Variants in BMPR1B observed in about 807,000 individuals in gnomAD.
BMPR1B encodes bone morphogenetic protein receptor type 1B.
BMPR1B carries 12 observed loss-of-function variants against 59.1 expected under a neutral mutation model. The ratio of observed to expected loss-of-function variants is 0.20; its 90% confidence interval spans 0.13 to 0.33. BMPR1B has a LOEUF of 0.33. Ranked by LOEUF, BMPR1B falls within the 10% of genes least tolerant of loss-of-function variation. The pLI, the probability that BMPR1B is intolerant of heterozygous loss-of-function variation, is 1.00. For missense variants in BMPR1B, 550 were observed against 610.9 expected, an observed-to-expected ratio of 0.90 and a Z score of 1.05; for synonymous variants, 237 against 207.3, an observed-to-expected ratio of 1.14 and a Z score of -1.23.
intron 1 of BMPR1B, among the ~76,000 whole-genome samples, chr4:94,868,501 C>T (rs1309726889): frequency 6.6e-6 from 1 of 152,004 alleles, no homozygotes; most frequent in South Asian, 2.1e-4. Context: ...CTTTTTTATT[C>T]AGCAAAAAAG....
chr4:94,894,462 A>AGAGAGAG (rs1560535777), intron 2 of BMPR1B, among the ~76,000 whole-genome samples: 1 of 130,650 alleles, frequency 7.7e-6, no homozygotes, highest in African/African-American at 3.0e-5. Flanking sequence ...GAGAGAGAGA[A>AGAGAGAG]AGCGAGAAAT....
intron 2 of BMPR1B, among the ~76,000 whole-genome samples, chr4:94,917,610 C>T (rs527318259): frequency 6.6e-6 from 1 of 152,118 alleles, no homozygotes; most frequent in East Asian, 1.9e-4. Flanking sequence ...TGCCTGTATC[C>T]CCATATTATC....
At position 94,902,267 on chromosome 4, in the gene BMPR1B, G is replaced by C. The variant is rs909889306; in HGVS notation, c.-113+26367G>C. On this transcript the variant is annotated intron_variant, in intron 2 of 12. Coordinates refer to ENST00000515059, the MANE Select transcript of BMPR1B (RefSeq NM_001203.3). ...ACACACACAGAGAGAGAGAGAGAGAGAGAGAGAGAGAGAGAGAGAGAGAGA... is the reference window on the plus strand; with the variant it reads ...ACACACACAGAGAGAGAGAGAGAGACAGAGAGAGAGAGAGAGAGAGAGAGA... 5.9e-3 allele frequency among the ~76,000 whole-genome samples: 734 copies of C among 124,970 alleles called. 2 individuals are homozygous for C. The highest frequency in any genetic ancestry group is 0.01 in the African/African-American group (320 of 31,856). The allele number at this position is 124,970 out of a possible 152,430, so 82.0% of individuals were successfully genotyped here. A position where few individuals can be genotyped will look rare whatever the true frequency, so the allele number is the denominator to read the frequency against.
chr4:95,143,554 A>G (rs1263813165), intron 10 of BMPR1B, among the ~76,000 whole-genome samples: 2 of 152,198 alleles, frequency 1.3e-5, no homozygotes, highest in East Asian at 1.9e-4. Flanking sequence ...TAGAAGAGCC[A>G]CTTGGAGTGT....
chr4:95,032,039 A>C (rs1724898474), intron 3 of BMPR1B, among the ~76,000 whole-genome samples: 1 of 152,122 alleles, frequency 6.6e-6, no homozygotes, highest in Non-Finnish European at 1.5e-5. Context: ...AGCTCTTTTC[A>C]TTTGGAGAAG....
intron 1 of BMPR1B, among the ~76,000 whole-genome samples, chr4:94,823,959 G>T: frequency 6.6e-6 from 1 of 152,096 alleles, no homozygotes; most frequent in South Asian, 2.1e-4. Flanking sequence ...TGTTAGCCAG[G>T]ATGGTCTCAA....
chr4:94,841,520 A>G (rs1263619959), intron 1 of BMPR1B, among the ~76,000 whole-genome samples: 2 of 151,998 alleles, frequency 1.3e-5, no homozygotes, highest in Non-Finnish European at 1.5e-5. Context: ...GAGTGACCCG[A>G]TTTTCCAGGT....
chr4:94,928,608 A>G (rs1286031234), intron 2 of BMPR1B, among the ~76,000 whole-genome samples: 2 of 151,072 alleles, frequency 1.3e-5, no homozygotes, highest in Admixed American at 6.6e-5. Context: ...CCTTAGTAAT[A>G]TAAGAAAAAA....
At chr4:94,824,774 G>T (rs897473245) in intron 1 of BMPR1B, among the ~76,000 whole-genome samples, 1 of 151,968 alleles carries the variant, frequency 6.6e-6, no homozygotes, top group South Asian at 2.1e-4. Flanking sequence ...GAGTAAAAAC[G>T]TTTTTATATT....
At chr4:94,781,816 T>A (rs941069845) in intron 1 of BMPR1B, among the ~76,000 whole-genome samples, 2 of 152,194 alleles carry the variant, frequency 1.3e-5, no homozygotes, top group East Asian at 3.8e-4. Context: ...CTTTGAACAT[T>A]ATTTTCCTGG....
intron 3 of BMPR1B, among the ~76,000 whole-genome samples, chr4:95,012,614 T>C (rs921072586): frequency 6.6e-6 from 1 of 152,186 alleles, no homozygotes; most frequent in Non-Finnish European, 1.5e-5. Context: ...TGAATTAATA[T>C]TGGCATAGAG....
intron 1 of BMPR1B, among the ~76,000 whole-genome samples, chr4:94,822,649 G>T (rs1421913063): frequency 6.6e-6 from 1 of 152,088 alleles, no homozygotes; most frequent in East Asian, 1.9e-4. Flanking sequence ...ATACTAGGGG[G>T]CTGTAATGGA....
intron 3 of BMPR1B, among the ~76,000 whole-genome samples, chr4:95,018,718 T>C (rs1723759912): frequency 6.6e-6 from 1 of 152,224 alleles, no homozygotes; most frequent in African/African-American, 2.4e-5. Context: ...AAATAACTAC[T>C]ATTTTTCAAA....
Position 94,805,342 on chromosome 4 carries a change from CT to C in BMPR1B, c.-183+47276del, listed in dbSNP as rs201627486. The stretch of plus-strand genomic sequence containing the variant: ...CAGGGAATCTGATTCCTTTTAAGAT[CT>C]TAAACCAAATGCTCATTTTAGATGT... On this transcript the variant is annotated intron_variant, in intron 1 of 12. Transcript: ENST00000515059. 7.0e-3 allele frequency among the ~76,000 whole-genome samples: 1,071 copies of C among 152,248 alleles called. 9 individuals are homozygous for C. Among genetic ancestry groups the C allele is most frequent in the African/African-American group, 0.024 (979 of 41,566 alleles).
intron 1 of BMPR1B, among the ~76,000 whole-genome samples, chr4:94,775,848 C>T (rs113742695): frequency 0.01 from 1,539 of 152,262 alleles, 19 homozygotes; most frequent in African/African-American, 0.035. Flanking sequence ...TCCCAGCACG[C>T]TGGGAGGCGG....
chr4:95,147,981 G>A (rs1236929066), intron 10 of BMPR1B, among the ~76,000 whole-genome samples: 1 of 151,892 alleles, frequency 6.6e-6, no homozygotes, highest in African/African-American at 2.4e-5. Context: ...ATAGTAAATG[G>A]GCCTGTTGTA....
At chr4:95,116,009 CTTCTG>C (rs1419373619) in intron 6 of BMPR1B, among the ~76,000 whole-genome samples, 1 of 152,116 alleles carries the variant, frequency 6.6e-6, no homozygotes, top group Admixed American at 6.5e-5. Flanking sequence ...TTTTTTCCCA[CTTCTG>C]TTCAGAAAAT....
intron 1 of BMPR1B, among the ~76,000 whole-genome samples, chr4:94,806,106 G>C (rs1578664826): frequency 1.3e-5 from 2 of 152,160 alleles, no homozygotes; most frequent in East Asian, 3.9e-4. Context: ...GAACTTGTAA[G>C]TGTGGTTCGA....
chr4:94,995,430 T>G (rs1180933073), intron 2 of BMPR1B, among the ~76,000 whole-genome samples: 2 of 152,214 alleles, frequency 1.3e-5, no homozygotes, highest in African/African-American at 4.8e-5. Flanking sequence ...GCCTTTCTCA[T>G]TGAGAAGCAA....
Sources: gnomAD v4.1 joint callset for allele counts (sites outside exome capture counted in the v4.1 genomes callset) on GRCh38, gnomAD v4.1.1 for gene constraint, MANE v1.5 for transcripts, NCBI Gene and HGNC (gene_info 2026-07-23, HGNC 2026-07-21) for gene names.